The following DSCC1 variants were observed in gnomAD, a reference collection of about 807,000 sequenced individuals.
The protein encoded by DSCC1 is sister chromatid cohesion protein DCC1.
Under a neutral mutation model 48.2 loss-of-function variants are expected in DSCC1, and 32 were observed. That is an observed-to-expected ratio of 0.66 (90% CI 0.50 to 0.89). The LOEUF (loss-of-function observed/expected upper bound fraction) is 0.89, where lower values mean the gene tolerates loss of function less well. DSCC1 is among the 40% of genes least tolerant of loss of function. DSCC1 has a pLI of 0.00. For synonymous variants in DSCC1, 150 were observed against 171.5 expected, an observed-to-expected ratio of 0.87 and a Z score of 0.98; for missense variants, 421 against 471.7, an observed-to-expected ratio of 0.89 and a Z score of 1.00.
At chr8:119,854,029 G>A (rs1380608526) in intron 1 of DSCC1, among the ~76,000 whole-genome samples, 1 of 152,142 alleles carries the variant, frequency 6.6e-6, no homozygotes, top group Non-Finnish European at 1.5e-5. Context: ...GAGAAACATA[G>A]CAAGACCCCA....
At chr8:119,840,877 A>C (rs925517061) in intron 7 of DSCC1, among the ~76,000 whole-genome samples, 17 of 151,746 alleles carry the variant, frequency 1.1e-4, no homozygotes, top group African/African-American at 2.4e-5. Flanking sequence ...GAGCCACTGC[A>C]CTCCAGCCTG....
At position 119,850,444 on chromosome 8, in the gene DSCC1, A is replaced by G. The variant is rs1826928209; in HGVS notation, c.424T>C (p.Leu142=). ...RPKLKKLKKL[L]MENPYEGPDS... is the part of the protein sequence containing the mutation. ...GGTCCTTCATATGGATTTTCCATCA[A>G]AAGTTTCTTTAGCTTCTTTAACTTG... The change falls in exon 3 of 9, where the codon TTG becomes CTG. Residue 142 remains leucine, a synonymous_variant. Coordinates refer to ENST00000313655, the MANE Select transcript of DSCC1 (RefSeq NM_024094.3). The G allele has an allele frequency of 1.9e-6, 3 of 1,602,192 alleles. No individual in the cohort carries two copies. Among genetic ancestry groups the G allele is most frequent in the Admixed American group, 1.7e-5 (1 of 57,440 alleles).
In DSCC1 at chr8:119,835,320, C is replaced by T. The variant is rs571071571; in HGVS notation, c.1074-319G>A. ...AGGAGTTGAAGATCAGCCTGGCCAA[C>T]GTAGTGAAACCCTGTCTCTATTAAA... is the stretch of plus-strand genomic sequence containing the variant. On this transcript the variant is annotated intron_variant, in intron 8 of 8. Transcript: ENST00000313655. Among the ~76,000 whole-genome samples the T allele has an allele frequency of 1.4e-4, 22 of 152,164 alleles. No individual in the cohort carries two copies. The South Asian group carries it at 2.3e-3, about 16-fold the overall frequency.
At chr8:119,843,917 C>T (rs190857434) in intron 4 of DSCC1, among the ~76,000 whole-genome samples, 170 bp from the exon 5 acceptor site, 13 of 152,122 alleles carry the variant, frequency 8.5e-5, no homozygotes, top group African/African-American at 1.9e-4. Context: ...GCTGGGACTA[C>T]GGGCACGCAC....
At chr8:119,842,750 A>C (rs1292724825) in intron 6 of DSCC1, 26 bp downstream of exon 6, 1 of 1,593,884 alleles carries the variant, frequency 6.3e-7, no homozygotes, top group Non-Finnish European at 8.6e-7. Context: ...TATAAGAGTT[A>C]AATGAGAATA....
At chr8:119,848,932 C>A (rs190971028) in intron 3 of DSCC1, among the ~76,000 whole-genome samples, 8,509 of 151,956 alleles carry the variant, frequency 0.056, 320 homozygotes, top group Non-Finnish European at 0.088. Context: ...AGCCTGTAAT[C>A]CTAGCACTTT....
In DSCC1 at chr8:119,850,293, C is replaced by T. The variant is rs540597916; in HGVS notation, c.486+89G>A. Reference sequence around the variant, plus strand: ...ACAAGCATTTATAACAGCTATATAACATAAATTTTAAAAAGTAAGAATGTG... The same window carrying T: ...ACAAGCATTTATAACAGCTATATAATATAAATTTTAAAAAGTAAGAATGTG... On this transcript the variant is annotated intron_variant, in intron 3 of 8. Transcript: ENST00000313655. 32 of 1,341,424 alleles carry T rather than the reference C, an allele frequency of 2.4e-5. No homozygotes were observed. In the South Asian group the frequency reaches 3.7e-4, roughly 16 times the overall value. The allele number at this position is 1,341,424 out of a possible 1,614,324, so 83.1% of individuals were successfully genotyped here.
chr8:119,839,080 A>G (rs1388413575), intron 7 of DSCC1: 1 of 152,014 alleles, frequency 6.6e-6, no homozygotes, highest in Non-Finnish European at 1.5e-5. Flanking sequence ...CCTCCTTTAA[A>G]TATCTCTCCA....
chr8:119,834,820 G>T lies in DSCC1; in HGVS notation c.*73C>A. On this transcript the variant is annotated 3_prime_UTR_variant, in exon 9 of 9. Coordinates refer to ENST00000313655, the MANE Select transcript of DSCC1 (RefSeq NM_024094.3). ...AGGTTTCTAAAAGTCAGAAATAAAAGTACAAGTTATTTTTCTTCTATCCAG... is the reference window on the plus strand; with the variant it reads ...AGGTTTCTAAAAGTCAGAAATAAAATTACAAGTTATTTTTCTTCTATCCAG... 1 of 1,019,872 alleles carries T rather than the reference G, an allele frequency of 9.8e-7. No homozygotes were observed. Among genetic ancestry groups the T allele is most frequent in the Non-Finnish European group, 1.5e-6 (1 of 663,286 alleles). The allele number at this position is 1,019,872 out of a possible 1,614,324, so 63.2% of individuals were successfully genotyped here.
rs2131304564 is a variant in DSCC1, at chr8:119,847,074, T to C, written c.493A>G (p.Thr165Ala). 2 of 1,612,642 alleles carry C rather than the reference T, an allele frequency of 1.2e-6. No homozygotes were observed. Among genetic ancestry groups the C allele is most frequent in the East Asian group, 2.2e-5 (1 of 44,862 alleles). The change falls in exon 4 of 9, where the codon ACT becomes GCT. Residue 165 changes from threonine to alanine, a missense_variant. Around this residue, in one of 3 missense-constraint regions of DSCC1, gnomAD observed 9 missense variants for 28.2 expected, o/e 0.32. Transcript: ENST00000313655. Reference sequence around the variant, plus strand: ...TGAATTTGATCAAGCAAATCTTCAGTTGTATACTGCAAAAAGAAAAAAATA... The same window carrying C: ...TGAATTTGATCAAGCAAATCTTCAGCTGTATACTGCAAAAAGAAAAAAATA... ...EKDSNSSKYTTEDLLDQIQAS... is the reference protein window; with the variant it reads ...EKDSNSSKYTAEDLLDQIQAS...
chr8:119,838,482 T>C, intron 7 of DSCC1, 75 bp from the exon 8 acceptor site: 6 of 1,428,372 alleles, frequency 4.2e-6, no homozygotes, highest in Non-Finnish European at 5.5e-6. Context: ...CTTTTACCTT[T>C]AGGTTTAGCT....
At position 119,838,328 on chromosome 8, in the gene DSCC1, T is replaced by C. The variant is rs139170937; in HGVS notation, c.1004A>G (p.Gln335Arg). 8.3e-5 allele frequency: 134 copies of C among 1,610,618 alleles called. No individual in the cohort carries two copies. The highest frequency in any genetic ancestry group is 1.8e-4 in the Admixed American group (11 of 59,518). ...AGAGAAAAGGCTATTAAAACGTTCCTGATTATCCTCAGGTAAATCATCTAC... is the reference window on the plus strand; with the variant it reads ...AGAGAAAAGGCTATTAAAACGTTCCCGATTATCCTCAGGTAAATCATCTAC... The part of the protein sequence containing the change: ...LKVDDLPEDN[Q>R]ERFNSLFSLR... Residue 335 changes from glutamine (Q) to arginine (R), a missense_variant, in exon 8 of 9, where the codon CAG becomes CGG. By Grantham distance (43) the Gln-to-Arg change is conservative (BLOSUM62 1). Around this residue, in one of 3 missense-constraint regions of DSCC1, gnomAD observed 238 missense variants for 259.0 expected, o/e 0.92. Transcript: ENST00000313655.
chr8:119,843,831 C>T (rs2070978406), intron 4 of DSCC1, 84 bp from the exon 5 acceptor site: 1 of 1,407,050 alleles, frequency 7.1e-7, no homozygotes, highest in African/African-American at 1.4e-5. Flanking sequence ...AGCTGGAGTT[C>T]AGTGGCGTGA....
chr8:119,852,997 ATC>A (rs749542348), intron 2 of DSCC1, 48 bp downstream of exon 2: 10 of 1,457,096 alleles, frequency 6.9e-6, no homozygotes, highest in Non-Finnish European at 9.2e-6. Context: ...AAATTACCAT[ATC>A]TGTTTTCATT....
At chr8:119,842,722 G>T in intron 6 of DSCC1, 54 bp downstream of exon 6, 1 of 1,508,056 alleles carries the variant, frequency 6.6e-7, no homozygotes, top group South Asian at 1.1e-5. Flanking sequence ...GCTTTAGAAA[G>T]GTATGCCAGT....
intron 8 of DSCC1, among the ~76,000 whole-genome samples, chr8:119,835,684 A>G (rs980519834): frequency 6.6e-6 from 1 of 152,196 alleles, no homozygotes; most frequent in Non-Finnish European, 1.5e-5. Context: ...CAGCCTCTAA[A>G]TTAGAAATAC....
rs772528841 is a variant in DSCC1 at position 119,850,535 on chromosome 8, G to A, written c.352-19C>T. Reference sequence around the variant, plus strand: ...CAAAGATCTAGAAATTATATATATCGTAACCTTTTAGGGGCCATTCTAAAG... The same window carrying A: ...CAAAGATCTAGAAATTATATATATCATAACCTTTTAGGGGCCATTCTAAAG... On this transcript the variant is annotated intron_variant, in intron 2 of 8. Coordinates refer to ENST00000313655, the MANE Select transcript of DSCC1 (RefSeq NM_024094.3). 3.4e-5 allele frequency: 53 copies of A among 1,542,426 alleles called. No individual in the cohort carries two copies. Among genetic ancestry groups the A allele is most frequent in the East Asian group, 7.0e-5 (3 of 42,820 alleles).
At chr8:119,852,108 T>C (rs1826949842) in intron 2 of DSCC1, among the ~76,000 whole-genome samples, 1 of 152,248 alleles carries the variant, frequency 6.6e-6, no homozygotes, top group South Asian at 2.1e-4. Context: ...TTCTTTCCTC[T>C]CCAATTCTGT....
intron 4 of DSCC1, among the ~76,000 whole-genome samples, chr8:119,846,707 C>T (rs1826862563): frequency 1.3e-5 from 2 of 152,210 alleles, no homozygotes. Flanking sequence ...GAATTACAGG[C>T]ATGCACCACC....
Sources: allele counts gnomAD v4.1 joint callset (sites outside exome capture counted in the v4.1 genomes callset), GRCh38; gene constraint gnomAD v4.1.1; regional missense constraint gnomAD v4.1.1; transcripts MANE v1.5; gene names NCBI Gene and HGNC (gene_info 2026-07-23, HGNC 2026-07-21).